DIP2A: variants seen among roughly 807,000 people sequenced by gnomAD.
The protein encoded by DIP2A is DIP2 acetate--CoA ligase A.
A neutral mutation model predicts 177.4 loss-of-function variants in DIP2A; 85 were observed. The ratio of observed to expected loss-of-function variants is 0.48; its 90% CI spans 0.40 to 0.57. The LOEUF is 0.57. Ranked by LOEUF, DIP2A falls within the 20% of genes least tolerant of loss-of-function variation. The probability of loss-of-function intolerance (pLI) is 0.00; values close to 1 mark genes in which losing one functional copy is unlikely to be tolerated. For missense variants in DIP2A, 1,791 were observed against 2,100.2 expected (o/e 0.85, Z 2.88); for synonymous variants, 886 against 881.8 (o/e 1.00, Z -0.08).
rs1034869177 is a variant in DIP2A at position 46,563,654 on chromosome 21, G to A, written c.4090-204G>A. ...ACGGGATCCCTTCTCAGGAACTGGA[G>A]TCATTTTGCTTATTTCTATTAACAT... On this transcript the variant is annotated intron_variant, in intron 34 of 37. Coordinates refer to ENST00000417564, the MANE Select transcript of DIP2A (RefSeq NM_015151.4). The surrounding 1 kb of genome is among the most constrained non-coding windows in gnomAD (Gnocchi z 4.3). 2.8e-5 allele frequency: 25 copies of A among 896,852 alleles called. No individual in the cohort carries two copies. The highest frequency in any genetic ancestry group is 3.5e-5 in the Non-Finnish European group (22 of 627,846). 55.6% of individuals were successfully genotyped at this position (896,852 alleles called of 1,614,324 possible).
intron 3 of DIP2A, among the ~76,000 whole-genome samples, chr21:46,496,250 C>T (rs1215841007): frequency 6.6e-6 from 1 of 152,024 alleles, no homozygotes; most frequent in Non-Finnish European, 1.5e-5. Flanking sequence ...AGTGTCCAAG[C>T]TCTAGCTATG....
At chr21:46,467,718 C>T (rs886457435) in intron 1 of DIP2A, among the ~76,000 whole-genome samples, 8 of 151,680 alleles carry the variant, frequency 5.3e-5, no homozygotes, top group African/African-American at 1.7e-4. Context: ...ATTCATGTTT[C>T]GGGAATACCC....
At chr21:46,469,710 G>A (rs1315556630) in intron 1 of DIP2A, among the ~76,000 whole-genome samples, 3 of 152,170 alleles carry the variant, frequency 2.0e-5, no homozygotes, top group African/African-American at 4.8e-5. Context: ...TGGCCTGGCC[G>A]GAACTTTCTT....
intron 31 of DIP2A, 87 bp from the exon 32 acceptor site, chr21:46,558,136 C>T: frequency 7.2e-7 from 1 of 1,385,442 alleles, no homozygotes; most frequent in Non-Finnish European, 9.7e-7. Flanking sequence ...CTCTGTGTGC[C>T]CACCCGGAGA....
intron 2 of DIP2A, among the ~76,000 whole-genome samples, chr21:46,488,743 A>G (rs1188212263): frequency 6.6e-6 from 1 of 152,180 alleles, no homozygotes; most frequent in Non-Finnish European, 1.5e-5. Flanking sequence ...TAGGAGTGTG[A>G]ATTACTGTAA....
intron 8 of DIP2A, among the ~76,000 whole-genome samples, chr21:46,516,186 T>C (rs918843189): frequency 2.0e-5 from 3 of 152,172 alleles, no homozygotes; most frequent in Non-Finnish European, 4.4e-5. Flanking sequence ...GGTGATGTTC[T>C]TTGAAAATTT....
At chr21:46,528,962 T>C in intron 8 of DIP2A, 130 bp from the exon 9 acceptor site, 1 of 533,298 alleles carries the variant, frequency 1.9e-6, no homozygotes, top group East Asian at 3.3e-5. Flanking sequence ...GAATAGTTAT[T>C]AGTTGGAAAC....
At chr21:46,565,147 G>A (rs2060794655) in intron 35 of DIP2A, among the ~76,000 whole-genome samples, 1 of 152,250 alleles carries the variant, frequency 6.6e-6, no homozygotes, top group South Asian at 2.1e-4. Flanking sequence ...TCTCTGCATG[G>A]ATGCACAAAA....
At chr21:46,508,761 G>A (rs1048767485) in intron 6 of DIP2A, among the ~76,000 whole-genome samples, 4 of 151,912 alleles carry the variant, frequency 2.6e-5, no homozygotes, top group African/African-American at 4.8e-5. Context: ...GGTGGCACAC[G>A]CCTGTGATCC....
At chr21:46,565,287 T>C (rs2060801349) in intron 35 of DIP2A, among the ~76,000 whole-genome samples, 1 of 152,240 alleles carries the variant, frequency 6.6e-6, no homozygotes, top group Non-Finnish European at 1.5e-5. Context: ...GCCGTCTGTT[T>C]TCAGGGCCTC....
At chr21:46,541,365 GTC>G (rs954689867) in intron 17 of DIP2A, among the ~76,000 whole-genome samples, 3 of 152,142 alleles carry the variant, frequency 2.0e-5, no homozygotes, top group African/African-American at 7.2e-5. Flanking sequence ...CCCCCACCTG[GTC>G]TCTCAGAGTG....
rs549065932 is a variant in DIP2A at position 46,557,189 on chromosome 21, G to A, written c.3629+120G>A. On this transcript the variant is annotated intron_variant, in intron 30 of 37. Coordinates refer to ENST00000417564, the MANE Select transcript of DIP2A (RefSeq NM_015151.4). This position sits in a 1 kb window ranked among gnomAD's most constrained non-coding sequence, Gnocchi z 6.0. The stretch of plus-strand genomic sequence containing the variant: ...GAAGCCGATGAGATGTGTGTGAGTG[G>A]GTTTGTTTGGGGATGAAGTGGGTTG... 8.4e-7 allele frequency: 1 copy of A among 1,193,738 alleles called. No homozygotes were observed. Among genetic ancestry groups the A allele is most frequent in the Admixed American group, 2.8e-5 (1 of 35,388 alleles). The allele number at this position is 1,193,738 out of a possible 1,614,324, so 73.9% of individuals were successfully genotyped here. A position where few individuals can be genotyped will look rare whatever the true frequency, so the allele number is the denominator to read the frequency against.
In DIP2A at chr21:46,547,003, C is replaced by T; in HGVS notation, c.2483C>T (p.Ala828Val). 2.5e-6 allele frequency: 4 copies of T among 1,613,980 alleles called. No homozygotes were observed. Among genetic ancestry groups the T allele is most frequent in the East Asian group, 2.2e-5 (1 of 44,882 alleles). The part of the protein sequence containing the change: ...RHNADDVVAT[A>V]LAVEPMKFVY... ...AATGCAGATGACGTTGTGGCCACCG[C>T]ACTGGCCGTGGAGCCCATGAAGTTT... Residue 828 changes from alanine (A) to valine (V), a missense_variant, in exon 21 of 38, where the codon GCA becomes GTA. Ala to Val is a moderately conservative substitution (Grantham distance 64). Coordinates refer to ENST00000417564, the MANE Select transcript of DIP2A (RefSeq NM_015151.4).
At chr21:46,530,831 T>C (rs2059326470) in intron 9 of DIP2A, among the ~76,000 whole-genome samples, 1 of 152,156 alleles carries the variant, frequency 6.6e-6, no homozygotes, top group African/African-American at 2.4e-5. Flanking sequence ...AAGTAGGATG[T>C]ACACAAAGGA....
intron 35 of DIP2A, among the ~76,000 whole-genome samples, chr21:46,564,549 C>T (rs1020057443): frequency 9.2e-5 from 14 of 152,172 alleles, no homozygotes; most frequent in Middle Eastern, 3.2e-3. Context: ...CGTGCAGTCC[C>T]GAATGTGCAG....
At chr21:46,533,218 G>A (rs2059424659) in intron 10 of DIP2A, among the ~76,000 whole-genome samples, 1 of 152,194 alleles carries the variant, frequency 6.6e-6, no homozygotes, top group South Asian at 2.1e-4. Flanking sequence ...TAACTTTGGA[G>A]TTTATTAAAA....
intron 2 of DIP2A, among the ~76,000 whole-genome samples, chr21:46,488,402 G>A (rs1463716305): frequency 6.6e-6 from 1 of 152,150 alleles, no homozygotes; most frequent in Non-Finnish European, 1.5e-5. Flanking sequence ...AGGCTCCCTA[G>A]AAATGAGAAC....
Position 46,537,677 on chromosome 21 carries a change from G to T in DIP2A, c.1801+138G>T. On this transcript the variant is annotated intron_variant, in intron 15 of 37. Coordinates refer to ENST00000417564, the MANE Select transcript of DIP2A (RefSeq NM_015151.4). This position sits in a 1 kb window ranked among gnomAD's most constrained non-coding sequence, Gnocchi z 4.1. ...GAAGAGCTGTGGGACGTCTTTCTTG[G>T]TCACACCCCTGCCCAGGAATATGGG... 1 of 828,918 alleles carries T rather than the reference G, an allele frequency of 1.2e-6. No individual in the cohort carries two copies. Among genetic ancestry groups the T allele is most frequent in the East Asian group, 2.6e-5 (1 of 38,312 alleles). The allele number at this position is 828,918 out of a possible 1,614,324, so 51.3% of individuals were successfully genotyped here.
intron 6 of DIP2A, among the ~76,000 whole-genome samples, chr21:46,508,353 CTT>C (rs571637777): frequency 1.1e-5 from 1 of 90,506 alleles, no homozygotes; most frequent in Non-Finnish European, 2.1e-5. Flanking sequence ...TGGCCAATGA[CTT>C]TTTTTTTTTT....
Sources: gnomAD v4.1 joint callset for allele counts (sites outside exome capture counted in the v4.1 genomes callset) on GRCh38, gnomAD v4.1.1 for gene constraint, Gnocchi (gnomAD v3.1) non-coding constraint, MANE v1.5 for transcripts, NCBI Gene and HGNC (gene_info 2026-07-23, HGNC 2026-07-21) for gene names.